The following MRPL4 variants were observed in gnomAD, a reference collection of about 807,000 sequenced individuals.
MRPL4 encodes the protein large ribosomal subunit protein uL4m.
A neutral mutation model predicts 34.1 loss-of-function variants in MRPL4; 34 were observed. The ratio of observed to expected loss-of-function variants is 1.00; its 90% CI spans 0.76 to 1.33. The LOEUF (loss-of-function observed/expected upper bound fraction) is 1.33. Ranked by LOEUF, MRPL4 falls within the 40% of genes most tolerant of loss-of-function variation. The probability of loss-of-function intolerance (pLI) is 0.00; values close to 1 mark genes in which losing one functional copy is unlikely to be tolerated. For missense variants in MRPL4, 402 were observed against 434.6 expected (o/e 0.92, Z 0.67); for synonymous variants, 196 against 188.3 (o/e 1.04, Z -0.33).
At position 10,252,477 on chromosome 19, in the gene MRPL4, G is replaced by T. The variant is rs1481758639; in HGVS notation, c.124+14G>T. Reference sequence around the variant, plus strand: ...TGGCGAGCGAGGGTAAGGCAACCGGGGTGGCTCCAGGAGGGGCGGCGACAG... The same window carrying T: ...TGGCGAGCGAGGGTAAGGCAACCGGTGTGGCTCCAGGAGGGGCGGCGACAG... On this transcript the variant is annotated intron_variant, in intron 2 of 8. Coordinates refer to ENST00000253099, the MANE Select transcript of MRPL4 (RefSeq NM_015956.3). 2 of 1,613,936 alleles carry T rather than the reference G, an allele frequency of 1.2e-6. No individual in the cohort carries two copies. Among genetic ancestry groups the T allele is most frequent in the East Asian group, 4.5e-5 (2 of 44,864 alleles).
chr19:10,254,753 C>A, intron 4 of MRPL4, 113 bp downstream of exon 4: 1 of 1,092,018 alleles, frequency 9.2e-7, no homozygotes, highest in African/African-American at 1.6e-5. Flanking sequence ...GCTGGGGCCT[C>A]ATCTGTCTCC....
At position 10,256,566 on chromosome 19, in the gene MRPL4, G is replaced by A. The variant is rs554975816; in HGVS notation, c.328-142G>A. The A allele has an allele frequency of 3.5e-5, 22 of 625,350 alleles. 1 individual carries two copies. Among genetic ancestry groups the A allele is most frequent in the Admixed American group, 1.7e-4 (6 of 34,588 alleles). The allele number at this position is 625,350 out of a possible 1,614,324, so 38.7% of individuals were successfully genotyped here. On this transcript the variant is annotated intron_variant, in intron 4 of 8. Transcript: ENST00000253099. ...CTGTGACTTCTTTACCCTCCCCCTC[G>A]CTCCCCAAGTACTCTGTGCTTGGCC...
chr19:10,253,962 A>T (rs1301542881), intron 3 of MRPL4, among the ~76,000 whole-genome samples: 3 of 152,158 alleles, frequency 2.0e-5, no homozygotes, highest in Non-Finnish European at 4.4e-5. Flanking sequence ...AGAAGGTGGC[A>T]ATAAGTGAAG....
At chr19:10,257,878 G>A (rs57926297) in intron 5 of MRPL4, among the ~76,000 whole-genome samples, 1,548 of 152,032 alleles carry the variant, frequency 0.01, 25 homozygotes, top group African/African-American at 0.036. Context: ...ACAAGATCTC[G>A]CTCTGTTGCC....
At chr19:10,252,147 G>A (rs955569651), upstream of MRPL4, 5 of 1,357,716 alleles carry the variant, frequency 3.7e-6, no homozygotes, top group African/African-American at 7.6e-5. Context: ...GCTTTCCAGC[G>A]CGGAGTCGCG....
chr19:10,252,911 A>T, intron 3 of MRPL4: 1 of 698,864 alleles, frequency 1.4e-6, no homozygotes, highest in Non-Finnish European at 2.3e-6. Flanking sequence ...TCTAAGGGTT[A>T]GGGAGACAGA....
chr19:10,259,237 C>A, intron 8 of MRPL4: 1 of 1,326,072 alleles, frequency 7.5e-7, no homozygotes, highest in Non-Finnish European at 9.6e-7. Flanking sequence ...CGCTGGCTTC[C>A]CCACCTCTCT....
chr19:10,252,773 T>A, intron 3 of MRPL4, 72 bp downstream of exon 3: 1 of 1,544,880 alleles, frequency 6.5e-7, no homozygotes, highest in East Asian at 2.3e-5. Context: ...TCACGATGAC[T>A]TTGGGCTTGT....
Position 10,259,643 on chromosome 19 carries a change from C to G in MRPL4, c.766C>G (p.His256Asp). Residue 256 changes from histidine to aspartate, a missense_variant, in exon 9 of 9, where the codon CAC becomes GAC. By Grantham distance (81) the His-to-Asp change is moderately conservative. Coordinates refer to ENST00000253099, the MANE Select transcript of MRPL4 (RefSeq NM_015956.3). ...VGLNVHSMLK[H>D]QTLVLTLPTV... ...CCTAAATGTGCACAGCATGCTCAAG[C>G]ACCAGACGCTGGTCCTGACGCTGCC... is the stretch of plus-strand genomic sequence containing the variant. The G allele has an allele frequency of 1.3e-6, 2 of 1,598,278 alleles. No homozygotes were observed. The highest frequency in any genetic ancestry group is 4.5e-5 in the East Asian group (2 of 44,022).
At chr19:10,256,854 A>AGG in intron 5 of MRPL4, 29 bp downstream of exon 5, 8 of 38,596 alleles carry the variant, frequency 2.1e-4, no homozygotes, top group South Asian at 8.0e-4. Context: ...GGGGGCGGGG[A>AGG]GGGGTGGGGG....
chr19:10,258,126 C>G, intron 5 of MRPL4, 96 bp from the exon 6 acceptor site: 4 of 835,694 alleles, frequency 4.8e-6, no homozygotes, highest in Non-Finnish European at 7.8e-6. Context: ...TGGCAGCGCC[C>G]CCTCTCTCGT....
At chr19:10,258,391 A>C (rs1465910970) in intron 6 of MRPL4, 22 bp from the exon 7 acceptor site, 1 of 1,613,904 alleles carries the variant, frequency 6.2e-7, no homozygotes, top group Admixed American at 1.7e-5. Context: ...CCAGGGTTCA[A>C]ACCATCCTTT....
At chr19:10,254,322 G>A (rs2039827822) in intron 3 of MRPL4, among the ~76,000 whole-genome samples, 1 of 152,200 alleles carries the variant, frequency 6.6e-6, no homozygotes, top group African/African-American at 2.4e-5. Context: ...TGGTCAGGGT[G>A]GCTCTTTCTT....
At chr19:10,258,713 T>C (rs201855315) in intron 8 of MRPL4, 28 bp downstream of exon 8, 752 of 1,613,830 alleles carry the variant, frequency 4.7e-4, no homozygotes, top group Admixed American at 6.7e-4. Context: ...GCCCCTAGAG[T>C]GCGCATGTGC....
Position 10,259,918 on chromosome 19 carries a change from C to A in MRPL4, c.*105C>A. 1 of 1,066,344 alleles carries A rather than the reference C, an allele frequency of 9.4e-7. No homozygotes were observed. Among genetic ancestry groups the A allele is most frequent in the Admixed American group, 3.1e-5 (1 of 32,266 alleles). The allele number at this position is 1,066,344 out of a possible 1,614,324, so 66.1% of individuals were successfully genotyped here. On this transcript the variant is annotated 3_prime_UTR_variant, in exon 9 of 9. Transcript: ENST00000253099. ...GTGTCACCTGGACCCCTTCATTCCA[C>A]GGAGGAAGCTGAGGCCACAGGGAGC...
chr19:10,259,680 TC>T lies in MRPL4; in HGVS notation c.805del (p.Leu269TrpfsTer50). ...TLVLTLPTVA[F>X]LEDKLLWQDS... Reference sequence around the variant, plus strand: ...GTCCTGACGCTGCCCACCGTCGCCTTCCTGGAGGACAAGCTGCTCTGGCAGG... The same window carrying T: ...GTCCTGACGCTGCCCACCGTCGCCTTCTGGAGGACAAGCTGCTCTGGCAGG... On this transcript the variant is annotated frameshift_variant, in exon 9 of 9. Transcript: ENST00000253099. LOFTEE classifies it low-confidence loss of function (END_TRUNC). 2 of 1,598,750 alleles carry T rather than the reference TC, an allele frequency of 1.3e-6. No homozygotes were observed. Among genetic ancestry groups the T allele is most frequent in the South Asian group, 1.1e-5 (1 of 90,558 alleles).
At chr19:10,258,994 G>C (rs1427257421) in intron 8 of MRPL4, 1 of 1,412,804 alleles carries the variant, frequency 7.1e-7, no homozygotes, top group East Asian at 2.5e-5. Context: ...CAGCTACTCG[G>C]GGGCTGAGCC....
intron 8 of MRPL4, 192 bp from the exon 9 acceptor site, chr19:10,259,425 G>A (rs1364340175): frequency 7.1e-7 from 1 of 1,418,164 alleles, no homozygotes; most frequent in African/African-American, 1.5e-5. Flanking sequence ...GCTGGGAGCA[G>A]CTCCTTGGCC....
chr19:10,259,100 A>C (rs76129268), intron 8 of MRPL4: 1 of 689,000 alleles, frequency 1.5e-6, no homozygotes, highest in Non-Finnish European at 1.8e-6. Flanking sequence ...TCTTGTCTCA[A>C]AAAAAAAAAA....
Sources: allele counts gnomAD v4.1 joint callset (sites outside exome capture counted in the v4.1 genomes callset), GRCh38; gene constraint gnomAD v4.1.1; transcripts MANE v1.5; gene names NCBI Gene and HGNC (gene_info 2026-07-23, HGNC 2026-07-21).